The following SYT16 variants were observed in gnomAD, a reference collection of about 807,000 sequenced individuals.
SYT16 encodes synaptotagmin-16.
A neutral mutation model predicts 61.4 loss-of-function variants in SYT16; 42 were observed. That is an observed-to-expected ratio of 0.68 (90% CI 0.53 to 0.89). The LOEUF is 0.89. Among genes scored for constraint, SYT16 ranks in the 40% least tolerant of loss-of-function variants. SYT16 has a pLI of 0.00. For synonymous variants in SYT16, 314 were observed against 302.3 expected, an observed-to-expected ratio of 1.04 and a Z score of -0.40; for missense variants, 804 against 807.3, an observed-to-expected ratio of 1.00 and a Z score of 0.05.
chr14:61,968,363 G>C (rs372916707), intron 1 of SYT16, among the ~76,000 whole-genome samples: 20 of 152,152 alleles, frequency 1.3e-4, no homozygotes, highest in African/African-American at 4.8e-4. Flanking sequence ...GTGGTGAGGA[G>C]GGAATTTTAA....
chr14:61,948,556 C>T (rs1404377826), intron 1 of SYT16, among the ~76,000 whole-genome samples: 1 of 152,124 alleles, frequency 6.6e-6, no homozygotes, highest in African/African-American at 2.4e-5. Flanking sequence ...TGGGAAGTTT[C>T]AGAGGACTTT....
chr14:61,969,133 G>A (rs1259405695), intron 1 of SYT16, among the ~76,000 whole-genome samples: 1 of 152,114 alleles, frequency 6.6e-6, no homozygotes, highest in African/African-American at 2.4e-5. Context: ...TGTATTATTT[G>A]TATTATTAAA....
At chr14:61,995,830 A>T (rs2052743790) in intron 2 of SYT16, 46 bp from the exon 3 acceptor site, 1 of 553,360 alleles carries the variant, frequency 1.8e-6, no homozygotes, top group Non-Finnish European at 3.1e-6. Context: ...GATGGGTCTG[A>T]GGTTGTAACT....
intron 5 of SYT16, among the ~76,000 whole-genome samples, chr14:62,079,866 C>T (rs1349754373): frequency 6.6e-6 from 1 of 152,090 alleles, no homozygotes; most frequent in Non-Finnish European, 1.5e-5. Context: ...AATTGCTACC[C>T]AAGGGTGACA....
At chr14:61,919,213 A>C (rs1011321452) in intron 1 of SYT16, among the ~76,000 whole-genome samples, 6 of 152,162 alleles carry the variant, frequency 3.9e-5, no homozygotes, top group African/African-American at 1.4e-4. Flanking sequence ...ACTGTTCCCT[A>C]CCCTGTCCCA....
At chr14:62,032,822 CT>C (rs962791553) in intron 3 of SYT16, among the ~76,000 whole-genome samples, 14 of 150,752 alleles carry the variant, frequency 9.3e-5, no homozygotes, top group African/African-American at 2.9e-4. Context: ...TAAACACAAT[CT>C]TTTTTTTTGT....
intron 3 of SYT16, 67 bp from the exon 4 acceptor site, chr14:62,069,536 G>C (rs550628268): frequency 7.0e-7 from 1 of 1,436,126 alleles, no homozygotes; most frequent in East Asian, 2.3e-5. Context: ...TGTTTTCCTG[G>C]AGAGTCTATC....
At chr14:62,015,928 G>A (rs1302155005) in intron 3 of SYT16, among the ~76,000 whole-genome samples, 1 of 152,184 alleles carries the variant, frequency 6.6e-6, no homozygotes, top group African/African-American at 2.4e-5. Flanking sequence ...TTCACTCTTA[G>A]TCCTTAATTG....
rs578008692 is a variant in SYT16 at position 61,831,801 on chromosome 14, T to C, written c.-325+18991T>C. ...TTTGGCATAACAGGTTTCCAGTAAA[T>C]AGGCATGGAGTTATAGTATGGAGGT... On this transcript the variant is annotated intron_variant, in intron 1 of 7. Transcript: ENST00000683842. 3.0e-5 allele frequency: 7 copies of C among 233,362 alleles called. No homozygotes were observed. In the East Asian group the frequency reaches 7.0e-4, roughly 23 times the overall value. 14.5% of individuals were successfully genotyped at this position (233,362 alleles called of 1,614,324 possible). A position where few individuals can be genotyped will look rare whatever the true frequency, so the allele number is the denominator to read the frequency against.
intron 2 of SYT16, among the ~76,000 whole-genome samples, chr14:61,990,308 A>G (rs1023552244): frequency 7.9e-5 from 12 of 152,292 alleles, no homozygotes; most frequent in African/African-American, 2.9e-4. Context: ...GAAATAACCA[A>G]CGTTTTATAG....
intron 3 of SYT16, among the ~76,000 whole-genome samples, chr14:62,022,043 CT>C (rs56923888): frequency 1.0e-3 from 143 of 142,070 alleles, no homozygotes; most frequent in Non-Finnish European, 1.0e-3. Context: ...TCTTCTTTTT[CT>C]TTTTTTTTTT....
intron 1 of SYT16, among the ~76,000 whole-genome samples, chr14:61,839,571 A>G (rs2046238635): frequency 6.6e-6 from 1 of 152,190 alleles, no homozygotes; most frequent in Non-Finnish European, 1.5e-5. Context: ...AGTGAGGTGC[A>G]GTACATTCAG....
rs2050658372 is a variant in SYT16, at chr14:61,951,192, C to A, written c.-324-18940C>A. Among the ~76,000 whole-genome samples the A allele has an allele frequency of 2.0e-5, 3 of 152,054 alleles. No homozygotes were observed. In the South Asian group the frequency reaches 6.2e-4, roughly 32 times the overall value. On this transcript the variant is annotated intron_variant, in intron 1 of 7. Transcript: ENST00000683842. Reference sequence around the variant, plus strand: ...TGAACTTATATCTGTGGACAGGTAACCTTTTGAACACAAGAAAATGTGTTG... The same window carrying A: ...TGAACTTATATCTGTGGACAGGTAAACTTTTGAACACAAGAAAATGTGTTG...
intron 2 of SYT16, among the ~76,000 whole-genome samples, chr14:61,995,019 G>T (rs909783926): frequency 1.3e-5 from 2 of 152,134 alleles, no homozygotes; most frequent in African/African-American, 4.8e-5. Context: ...ATCTTGAGCT[G>T]TTGATGAACA....
At chr14:61,900,165 T>G (rs2048462176) in intron 1 of SYT16, among the ~76,000 whole-genome samples, 1 of 151,002 alleles carries the variant, frequency 6.6e-6, no homozygotes, top group South Asian at 2.1e-4. Flanking sequence ...CTGCTTTTTT[T>G]TTTTTTTTTT....
chr14:62,086,761 A>G (rs1269698526), intron 7 of SYT16, among the ~76,000 whole-genome samples: 1 of 152,270 alleles, frequency 6.6e-6, no homozygotes, highest in East Asian at 1.9e-4. Context: ...TTTATTCCAG[A>G]AGTTTAAGTC....
At chr14:61,877,803 G>A (rs1290034997) in intron 1 of SYT16, among the ~76,000 whole-genome samples, 1 of 152,228 alleles carries the variant, frequency 6.6e-6, no homozygotes, top group Non-Finnish European at 1.5e-5. Context: ...TCTTTCAGGA[G>A]TACCCAGAAG....
In SYT16 at chr14:62,107,663, T is replaced by G. The variant is rs1315119900; in HGVS notation, c.*6956T>G. On this transcript the variant is annotated 3_prime_UTR_variant, in exon 8 of 8. Transcript: ENST00000683842. ...TTTCTGTAATTGTCTCTTTCCCCCT[T>G]TGAAAGGCAGAAGATTTAGGGAAGG... 1 of 152,214 alleles carries G rather than the reference T, an allele frequency of 6.6e-6. No individual in the cohort carries two copies. The highest frequency in any genetic ancestry group is 1.5e-5 in the Non-Finnish European group (1 of 68,036). The allele number at this position is 152,214 out of a possible 1,614,324, so 9.4% of individuals were successfully genotyped here.
At chr14:62,077,229 A>T (rs1233715733) in intron 5 of SYT16, among the ~76,000 whole-genome samples, 1 of 152,248 alleles carries the variant, frequency 6.6e-6, no homozygotes, top group Non-Finnish European at 1.5e-5. Context: ...AAGGCTTTCA[A>T]TTTGACAGAA....
Sources: gnomAD v4.1 joint callset for allele counts (sites outside exome capture counted in the v4.1 genomes callset) on GRCh38, gnomAD v4.1.1 for gene constraint, MANE v1.5 for transcripts, NCBI Gene and HGNC (gene_info 2026-07-23, HGNC 2026-07-21) for gene names.